TRAPPC12: variants seen among roughly 807,000 people sequenced by gnomAD.
TRAPPC12 encodes TPR repeat protein 15.
TRAPPC12 carries 61 observed loss-of-function variants against 69.2 expected under a neutral mutation model. The observed-to-expected ratio is 0.88, with a 90% CI of 0.72 to 1.09. The LOEUF (loss-of-function observed/expected upper bound fraction) is 1.09. Ranked by LOEUF, TRAPPC12 falls within the 50% of genes least tolerant of loss-of-function variation. TRAPPC12 has a pLI of 0.00. For missense variants in TRAPPC12, 1,101 were observed against 1,016.4 expected (o/e 1.08, Z -1.13); for synonymous variants, 469 against 438.9 (o/e 1.07, Z -0.86).
intron 3 of TRAPPC12, among the ~76,000 whole-genome samples, chr2:3,405,416 A>G (rs1177443429): frequency 4.6e-5 from 7 of 151,824 alleles, no homozygotes; most frequent in Non-Finnish European, 1.5e-5. Flanking sequence ...CTCATTGACT[A>G]CCTCCCACCA....
chr2:3,404,171 C>A (rs570271589), intron 3 of TRAPPC12, among the ~76,000 whole-genome samples: 42 of 152,232 alleles, frequency 2.8e-4, no homozygotes, highest in Non-Finnish European at 5.0e-4. Flanking sequence ...TGTGTGAGGG[C>A]CTTTCCGAAG....
At chr2:3,475,598 A>G (rs1666257801) in intron 9 of TRAPPC12, among the ~76,000 whole-genome samples, 1 of 152,140 alleles carries the variant, frequency 6.6e-6, no homozygotes, top group Admixed American at 6.5e-5. Flanking sequence ...ATCATCAGGA[A>G]AGTCAGTGGG....
At chr2:3,390,921 T>C (rs1223714857) in intron 2 of TRAPPC12, among the ~76,000 whole-genome samples, 1 of 152,212 alleles carries the variant, frequency 6.6e-6, no homozygotes, top group Non-Finnish European at 1.5e-5. Flanking sequence ...CTTCCTCTGA[T>C]CATTGGTGAA....
chr2:3,453,323 C>T (rs867322271), intron 6 of TRAPPC12, among the ~76,000 whole-genome samples: 4 of 152,324 alleles, frequency 2.6e-5, no homozygotes, highest in Non-Finnish European at 5.9e-5. Context: ...CCAGCTTCAA[C>T]CCGTCGGGAA....
At chr2:3,464,574 C>T (rs1267730301) in intron 8 of TRAPPC12, among the ~76,000 whole-genome samples, 1 of 152,256 alleles carries the variant, frequency 6.6e-6, no homozygotes, top group Non-Finnish European at 1.5e-5. Flanking sequence ...TTACTGCTGA[C>T]CGCGTGCTTA....
chr2:3,466,725 T>A (rs1665830795), intron 9 of TRAPPC12, among the ~76,000 whole-genome samples: 1 of 152,154 alleles, frequency 6.6e-6, no homozygotes, highest in Admixed American at 6.5e-5. Context: ...TGGGCCCCTG[T>A]GGTGGGGCAC....
At chr2:3,434,847 AC>A (rs1337221114) in intron 5 of TRAPPC12, among the ~76,000 whole-genome samples, 2 of 152,170 alleles carry the variant, frequency 1.3e-5, no homozygotes, top group Non-Finnish European at 2.9e-5. Context: ...GAATAGTGCC[AC>A]CATAATGAGG....
chr2:3,466,042 A>T (rs533911215), intron 9 of TRAPPC12, among the ~76,000 whole-genome samples: 11 of 152,350 alleles, frequency 7.2e-5, no homozygotes, highest in African/African-American at 2.6e-4. Context: ...TCACTCGCTG[A>T]TATTTTGCCT....
intron 5 of TRAPPC12, among the ~76,000 whole-genome samples, chr2:3,435,388 TAA>T (rs1233830715): frequency 6.6e-6 from 1 of 152,192 alleles, no homozygotes; most frequent in Non-Finnish European, 1.5e-5. Context: ...TTAACATTTT[TAA>T]AATGTTAAAA....
At chr2:3,471,796 G>A (rs1227466895) in intron 9 of TRAPPC12, among the ~76,000 whole-genome samples, 1 of 151,678 alleles carries the variant, frequency 6.6e-6, no homozygotes, top group Non-Finnish European at 1.5e-5. Context: ...GTCCTCACTG[G>A]GACTTGGGAC....
intron 2 of TRAPPC12, among the ~76,000 whole-genome samples, chr2:3,390,216 C>A (rs1001876860): frequency 6.6e-6 from 1 of 152,166 alleles, no homozygotes; most frequent in African/African-American, 2.4e-5. Flanking sequence ...CCATCACACT[C>A]GAGTCATTTC....
At chr2:3,388,718 CTGTGAGATACGCACAGTGCCCCT>C in intron 2 of TRAPPC12, 48 bp downstream of exon 2, 1 of 1,466,020 alleles carries the variant, frequency 6.8e-7, no homozygotes, top group South Asian at 1.3e-5. Context: ...CTCTCTGCGT[CTGTGAGATACGCACAGTGCCCCT>C]TTAGGGATGG....
chr2:3,464,326 T>C (rs1014059766), intron 8 of TRAPPC12, among the ~76,000 whole-genome samples: 4 of 152,202 alleles, frequency 2.6e-5, no homozygotes, highest in African/African-American at 9.7e-5. Context: ...TTAGTTTTAA[T>C]GAGCTGTACT....
chr2:3,387,846 T>A lies in TRAPPC12; in HGVS notation c.223T>A (p.Ser75Thr). The A allele has an allele frequency of 6.2e-7, 1 of 1,605,224 alleles. No homozygotes were observed. The highest frequency in any genetic ancestry group is 8.5e-7 in the Non-Finnish European group (1 of 1,173,672). The change falls in exon 2 of 12, where the codon TCC becomes ACC. Residue 75 changes from serine to threonine, a missense_variant. Ser to Thr is a moderately conservative substitution (Grantham distance 58). Coordinates refer to ENST00000324266, the MANE Select transcript of TRAPPC12 (RefSeq NM_016030.6). ...HMMESVLISD[S>T]PNSEGDAGDL... is the part of the protein sequence containing the mutation. The stretch of plus-strand genomic sequence containing the variant: ...GATGGAGAGCGTCCTCATCTCTGAC[T>A]CCCCCAACAGCGAGGGCGACGCGGG...
At chr2:3,402,881 G>A (rs550904681) in intron 3 of TRAPPC12, among the ~76,000 whole-genome samples, 75 of 152,274 alleles carry the variant, frequency 4.9e-4, no homozygotes, top group African/African-American at 1.7e-3. Flanking sequence ...TCATCCACAC[G>A]GTTGCCTAGA....
chr2:3,395,673 A>G lies in TRAPPC12; in HGVS notation c.1048-6104A>G, dbSNP rs1486912173. 2.1e-5 allele frequency among the ~76,000 whole-genome samples: 3 copies of G among 144,634 alleles called. No homozygotes were observed. In the East Asian group the frequency reaches 6.0e-4, roughly 29 times the overall value. 94.9% of individuals were successfully genotyped at this position (144,634 alleles called of 152,430 possible). A position where few individuals can be genotyped will look rare whatever the true frequency, so the allele number is the denominator to read the frequency against. Reference sequence around the variant, plus strand: ...CGCCTCCCAGGTTTAAGTGATTCTCATGCCTCACCCTCCAGAGTAGCTGGG... The same window carrying G: ...CGCCTCCCAGGTTTAAGTGATTCTCGTGCCTCACCCTCCAGAGTAGCTGGG... On this transcript the variant is annotated intron_variant, in intron 2 of 11. Transcript: ENST00000324266.
intron 5 of TRAPPC12, among the ~76,000 whole-genome samples, chr2:3,432,070 A>T (rs1010047117): frequency 1.3e-5 from 2 of 152,244 alleles, no homozygotes; most frequent in African/African-American, 4.8e-5. Flanking sequence ...TCAAGTTTCC[A>T]TGCAACTAGA....
At chr2:3,469,541 A>G (rs1665971774) in intron 9 of TRAPPC12, among the ~76,000 whole-genome samples, 1 of 152,218 alleles carries the variant, frequency 6.6e-6, no homozygotes, top group Non-Finnish European at 1.5e-5. Context: ...TTCTAGAGCC[A>G]CAAAGCCAGG....
intron 3 of TRAPPC12, among the ~76,000 whole-genome samples, chr2:3,418,976 G>A (rs147564219): frequency 0.02 from 3,104 of 152,054 alleles, 45 homozygotes; most frequent in Non-Finnish European, 0.033. Context: ...CTCCTCCACC[G>A]CCTCCCTCCG....
Sources: gnomAD v4.1 joint callset for allele counts (sites outside exome capture counted in the v4.1 genomes callset) on GRCh38, gnomAD v4.1.1 for gene constraint, MANE v1.5 for transcripts, NCBI Gene and HGNC (gene_info 2026-07-23, HGNC 2026-07-21) for gene names.